RBM19: variants seen among roughly 807,000 people sequenced by gnomAD.
The protein encoded by RBM19 is RNA binding motif protein 19, also known as probable RNA-binding protein 19.
In RBM19, 94 loss-of-function variants were observed where a neutral mutation model predicts 116.8. That is an observed-to-expected ratio of 0.80 (90% CI 0.68 to 0.95). The LOEUF (loss-of-function observed/expected upper bound fraction) is 0.95, where lower values mean the gene tolerates loss of function less well. Among genes scored for constraint, RBM19 ranks in the 40% least tolerant of loss-of-function variants. The pLI, the probability that RBM19 is intolerant of heterozygous loss-of-function variation, is 0.00. For synonymous variants in RBM19, 475 were observed against 494.1 expected (o/e 0.96, Z 0.51); for missense variants, 1,161 against 1,220.7 (o/e 0.95, Z 0.73).
intron 21 of RBM19, among the ~76,000 whole-genome samples, chr12:113,907,780 G>A (rs1360498512): frequency 1.3e-5 from 2 of 152,180 alleles, no homozygotes; most frequent in African/African-American, 4.8e-5. Context: ...GAGTCCAGGG[G>A]TTGGCAAACT....
In RBM19 at chr12:113,822,831, A is replaced by G. The variant is rs759393378; in HGVS notation, c.*393T>C. 31 of 168,452 alleles carry G rather than the reference A, an allele frequency of 1.8e-4. No individual in the cohort carries two copies. The highest frequency in any genetic ancestry group is 1.0e-3 in the Admixed American group (17 of 16,378). 10.4% of individuals were successfully genotyped at this position (168,452 alleles called of 1,614,324 possible). On this transcript the variant is annotated 3_prime_UTR_variant, in exon 24 of 24. Coordinates refer to ENST00000261741, the MANE Select transcript of RBM19 (RefSeq NM_016196.4). The stretch of plus-strand genomic sequence containing the variant: ...AGCTTGGAGACGGGGTTTCATGTCC[A>G]AGCAGCCTGATGCCAGAGAGCTGGC...
intron 23 of RBM19, among the ~76,000 whole-genome samples, chr12:113,833,971 C>G (rs528823575): frequency 6.6e-6 from 1 of 152,276 alleles, no homozygotes; most frequent in East Asian, 1.9e-4. Context: ...GTCTCAAACT[C>G]CTAGGCTCAA....
chr12:113,927,166 G>T lies in RBM19; in HGVS notation c.2132C>A (p.Ala711Glu). The change falls in exon 17 of 24, where the codon GCA (alanine) becomes GAA (glutamate). Residue 711 changes from alanine (A) to glutamate (E), a missense_variant. Ala to Glu is a moderately radical substitution (Grantham distance 107, BLOSUM62 -1). Transcript: ENST00000261741. ...PTEEGADNSSAKMEEEEEEEE... is the reference protein window; with the variant it reads ...PTEEGADNSSEKMEEEEEEEE... ...TTCCTCCTCCTCCTCTTCCATCTTT[G>T]CTGAAGAGTTGTCTGCTCCTTCCTC... 2 of 1,599,664 alleles carry T rather than the reference G, an allele frequency of 1.3e-6. No individual in the cohort carries two copies. The highest frequency in any genetic ancestry group is 8.5e-7 in the Non-Finnish European group (1 of 1,172,538).
intron 21 of RBM19, among the ~76,000 whole-genome samples, chr12:113,861,200 A>G (rs927740155): frequency 4.6e-5 from 7 of 152,164 alleles, no homozygotes; most frequent in South Asian, 2.1e-4. Context: ...GGGACTGGCC[A>G]CTTGCAAGAG....
intron 22 of RBM19, among the ~76,000 whole-genome samples, chr12:113,846,366 C>T (rs540131851): frequency 4.2e-4 from 64 of 152,276 alleles, no homozygotes; most frequent in African/African-American, 1.3e-3. Flanking sequence ...GACCCTGTCC[C>T]GCAAGAGGGG....
At chr12:113,831,527 G>A (rs746557174) in intron 23 of RBM19, among the ~76,000 whole-genome samples, 2 of 152,044 alleles carry the variant, frequency 1.3e-5, no homozygotes, top group Admixed American at 6.5e-5. Context: ...CTCCCAAGTC[G>A]CTCTGAAATT....
At chr12:113,844,542 G>T in intron 23 of RBM19, 126 bp downstream of exon 23, 3 of 1,287,392 alleles carry the variant, frequency 2.3e-6, no homozygotes, top group Non-Finnish European at 2.1e-6. Context: ...TGCCCAGCAG[G>T]AGGTGCTTGG....
chr12:113,842,782 T>C (rs944612701), intron 23 of RBM19, among the ~76,000 whole-genome samples: 29 of 152,202 alleles, frequency 1.9e-4, no homozygotes, highest in African/African-American at 5.3e-4. Flanking sequence ...GGTGTCATTC[T>C]ATCTGGGTTT....
At chr12:113,943,153 C>A (rs1870724726) in intron 13 of RBM19, among the ~76,000 whole-genome samples, 1 of 152,232 alleles carries the variant, frequency 6.6e-6, no homozygotes, top group Non-Finnish European at 1.5e-5. Flanking sequence ...CGGTGACACC[C>A]TATCCCTCCC....
intron 7 of RBM19, among the ~76,000 whole-genome samples, chr12:113,954,668 C>A (rs1871756758): frequency 6.6e-6 from 1 of 152,240 alleles, no homozygotes; most frequent in Admixed American, 6.5e-5. Flanking sequence ...TGTTCTTCTG[C>A]TGTTACAGAC....
At chr12:113,860,799 AG>A (rs1878301488) in intron 21 of RBM19, among the ~76,000 whole-genome samples, 1 of 152,146 alleles carries the variant, frequency 6.6e-6, no homozygotes, top group African/African-American at 2.4e-5. Flanking sequence ...GCTAGGGCTC[AG>A]CTCCGCAAGA....
chr12:113,861,671 G>A (rs975627243), intron 21 of RBM19, among the ~76,000 whole-genome samples: 30 of 152,104 alleles, frequency 2.0e-4, no homozygotes, highest in Non-Finnish European at 1.5e-5. Context: ...CTAAGGGTCC[G>A]GAGAAAGGCG....
chr12:113,881,153 T>C (rs1880092143), intron 21 of RBM19, among the ~76,000 whole-genome samples: 1 of 152,060 alleles, frequency 6.6e-6, no homozygotes, highest in African/African-American at 2.4e-5. Flanking sequence ...TGTCTTGGAT[T>C]CCCCACCCAG....
chr12:113,876,728 C>A (rs1879694636), intron 21 of RBM19, among the ~76,000 whole-genome samples: 3 of 151,972 alleles, frequency 2.0e-5, no homozygotes, highest in African/African-American at 7.3e-5. Context: ...GAGGTTAGAG[C>A]TACAGTGAGC....
chr12:113,856,603 G>A (rs1033003727), intron 22 of RBM19, among the ~76,000 whole-genome samples: 1 of 152,224 alleles, frequency 6.6e-6, no homozygotes, highest in African/African-American at 2.4e-5. Context: ...ATTCAGAACA[G>A]CAGTGAGCGT....
chr12:113,882,972 C>G (rs749064636), intron 21 of RBM19, among the ~76,000 whole-genome samples: 5 of 152,106 alleles, frequency 3.3e-5, no homozygotes, highest in Non-Finnish European at 7.3e-5. Flanking sequence ...ACATGAAGCC[C>G]TTGGGATGCC....
intron 22 of RBM19, among the ~76,000 whole-genome samples, chr12:113,852,349 T>C (rs7137036): frequency 0.24 from 37,146 of 152,104 alleles, 4,988 homozygotes; most frequent in East Asian, 0.47. Context: ...TCAGCCCATA[T>C]ACATGTGTGC....
chr12:113,854,985 GC>G (rs1409501686), intron 22 of RBM19, among the ~76,000 whole-genome samples: 3 of 152,244 alleles, frequency 2.0e-5, no homozygotes, highest in African/African-American at 7.2e-5. Flanking sequence ...TCTGAGCTCT[GC>G]CACAACAGCC....
At chr12:113,853,010 C>T (rs562464348) in intron 22 of RBM19, among the ~76,000 whole-genome samples, 7 of 152,348 alleles carry the variant, frequency 4.6e-5, no homozygotes, top group East Asian at 1.9e-4. Context: ...GAGCTTTGTC[C>T]GGCTCGCTCA....
Sources: gnomAD v4.1 joint callset for allele counts (sites outside exome capture counted in the v4.1 genomes callset) on GRCh38, gnomAD v4.1.1 for gene constraint, MANE v1.5 for transcripts, NCBI Gene and HGNC (gene_info 2026-07-23, HGNC 2026-07-21) for gene names.